The following UTRN variants were observed in gnomAD, a reference collection of about 807,000 sequenced individuals.
The protein encoded by UTRN is utrophin.
A neutral mutation model predicts 463.9 loss-of-function variants in UTRN; 283 were observed. The observed-to-expected ratio is 0.61, with a 90% CI of 0.55 to 0.67. The LOEUF (loss-of-function observed/expected upper bound fraction) is 0.67. Among genes scored for constraint, UTRN ranks in the 30% least tolerant of loss-of-function variants. The probability of loss-of-function intolerance (pLI) is 0.00; values close to 1 mark genes in which losing one functional copy is unlikely to be tolerated. For missense variants in UTRN, 3,922 were observed against 4,084.3 expected (o/e 0.96, Z 1.08); for synonymous variants, 1,442 against 1,431.5 (o/e 1.01, Z -0.17).
At chr6:144,625,617 TGTTCA>T (rs1775863581) in intron 51 of UTRN, among the ~76,000 whole-genome samples, 2 of 152,376 alleles carry the variant, frequency 1.3e-5, no homozygotes, top group South Asian at 4.1e-4. Flanking sequence ...ATTGGTGCCA[TGTTCA>T]GTGAGAAGCT....
At chr6:144,771,534 T>A (rs977661102) in intron 58 of UTRN, among the ~76,000 whole-genome samples, 3 of 152,234 alleles carry the variant, frequency 2.0e-5, no homozygotes, top group African/African-American at 7.2e-5. Flanking sequence ...CAAGCAATTC[T>A]CATGCCTCAC....
chr6:144,635,858 T>C (rs1777117174), intron 51 of UTRN, among the ~76,000 whole-genome samples: 1 of 151,954 alleles, frequency 6.6e-6, no homozygotes, highest in South Asian at 2.1e-4. Context: ...CTGCTGCCTT[T>C]AAAAAAAATT....
At chr6:144,838,179 G>T (rs538047372) in intron 71 of UTRN, among the ~76,000 whole-genome samples, 1 of 152,114 alleles carries the variant, frequency 6.6e-6, no homozygotes, top group African/African-American at 2.4e-5. Flanking sequence ...AGAGCAAAAG[G>T]CTTTTCTGTT....
At chr6:144,489,990 A>T in intron 30 of UTRN, 81 bp from the exon 31 acceptor site, 1 of 1,542,630 alleles carries the variant, frequency 6.5e-7, no homozygotes, top group Non-Finnish European at 8.7e-7. Flanking sequence ...TTACACAACG[A>T]TATAGAACTT....
chr6:144,850,878 G>C (rs1782435415), intron 74 of UTRN, 111 bp from the exon 75 acceptor site: 1 of 1,435,220 alleles, frequency 7.0e-7, no homozygotes, highest in South Asian at 1.1e-5. Context: ...AGTCACAGTA[G>C]AGTTAAGACT....
chr6:144,325,300 C>T (rs900161693), intron 2 of UTRN, among the ~76,000 whole-genome samples: 1 of 152,300 alleles, frequency 6.6e-6, no homozygotes. Flanking sequence ...GGATTAATGT[C>T]ATTATTGCAG....
At chr6:144,296,957 A>T (rs1804771769) in intron 2 of UTRN, among the ~76,000 whole-genome samples, 1 of 152,188 alleles carries the variant, frequency 6.6e-6, no homozygotes, top group Non-Finnish European at 1.5e-5. Flanking sequence ...CTGTTGAGTT[A>T]GCAAAGGGGA....
intron 54 of UTRN, among the ~76,000 whole-genome samples, chr6:144,738,741 C>T (rs949043856): frequency 2.0e-5 from 3 of 152,128 alleles, no homozygotes; most frequent in African/African-American, 4.8e-5. Flanking sequence ...ATTATTTATC[C>T]ACCAGTTTCC....
In UTRN at chr6:144,678,590, C is replaced by T; in HGVS notation, c.7652+12C>T. Reference sequence around the variant, plus strand: ...TCTGCTAGCATCAGGTCAGAATAGTCAATATCAAAATAAAAATAATGGGGT... The same window carrying T: ...TCTGCTAGCATCAGGTCAGAATAGTTAATATCAAAATAAAAATAATGGGGT... On this transcript the variant is annotated intron_variant, in intron 52 of 74. Coordinates refer to ENST00000367545, the MANE Select transcript of UTRN (RefSeq NM_007124.3). 6.3e-7 allele frequency: 1 copy of T among 1,575,284 alleles called. No individual in the cohort carries two copies. Among genetic ancestry groups the T allele is most frequent in the Non-Finnish European group, 8.7e-7 (1 of 1,155,396 alleles).
intron 53 of UTRN, among the ~76,000 whole-genome samples, chr6:144,727,269 T>A (rs1250980630): frequency 6.6e-6 from 1 of 152,256 alleles, no homozygotes; most frequent in East Asian, 1.9e-4. Flanking sequence ...TATTGGTGTT[T>A]TCTGGTTGAT....
At chr6:144,543,110 G>A (rs1440451367) in intron 46 of UTRN, among the ~76,000 whole-genome samples, 1 of 152,174 alleles carries the variant, frequency 6.6e-6, no homozygotes, top group Admixed American at 6.5e-5. Context: ...GGACTCCAGT[G>A]CTACCTGGGC....
chr6:144,681,850 T>C (rs1267140741), intron 52 of UTRN, among the ~76,000 whole-genome samples: 2 of 152,192 alleles, frequency 1.3e-5, no homozygotes, highest in East Asian at 3.8e-4. Context: ...TTTTAATGTT[T>C]GTGGGCATAT....
chr6:144,344,454 A>C lies in UTRN; in HGVS notation c.79+52547A>C, dbSNP rs1431078130. 19 of 908,452 alleles carry C rather than the reference A, an allele frequency of 2.1e-5. No individual in the cohort carries two copies. The East Asian group carries it at 1.0e-3, about 48-fold the overall frequency. The allele number at this position is 908,452 out of a possible 1,614,324, so 56.3% of individuals were successfully genotyped here. On this transcript the variant is annotated intron_variant, in intron 2 of 74. Coordinates refer to ENST00000367545, the MANE Select transcript of UTRN (RefSeq NM_007124.3). The stretch of plus-strand genomic sequence containing the variant: ...CAGACAGCCTGTCTTTCCTGCTGCC[A>C]CGTCTGTTGTGGACCCTCAAGAGTA...
intron 51 of UTRN, among the ~76,000 whole-genome samples, chr6:144,650,138 C>T (rs1778659179): frequency 1.3e-5 from 2 of 152,144 alleles, no homozygotes; most frequent in Non-Finnish European, 2.9e-5. Flanking sequence ...CAGAAGAACT[C>T]CCCTTTATAA....
chr6:144,742,641 G>A (rs1425867514), intron 54 of UTRN, among the ~76,000 whole-genome samples: 2 of 152,138 alleles, frequency 1.3e-5, no homozygotes, highest in African/African-American at 4.8e-5. Flanking sequence ...TAGTAAAAAG[G>A]AATGAAAGAG....
intron 51 of UTRN, among the ~76,000 whole-genome samples, chr6:144,639,018 A>G (rs1033365973): frequency 3.9e-5 from 6 of 152,172 alleles, no homozygotes; most frequent in African/African-American, 1.2e-4. Flanking sequence ...GCAGTGAACT[A>G]TGATCTTGCC....
At chr6:144,441,590 G>T (rs1787168233) in intron 13 of UTRN, among the ~76,000 whole-genome samples, 1 of 152,154 alleles carries the variant, frequency 6.6e-6, no homozygotes, top group African/African-American at 2.4e-5. Context: ...TTTTCCAGGT[G>T]CATAGTGCAA....
chr6:144,652,582 A>G (rs1778923276), intron 51 of UTRN, among the ~76,000 whole-genome samples: 1 of 152,188 alleles, frequency 6.6e-6, no homozygotes, highest in Non-Finnish European at 1.5e-5. Context: ...AAGCGTTATC[A>G]ATGGATTTTT....
intron 19 of UTRN, among the ~76,000 whole-genome samples, chr6:144,454,979 A>G (rs79193492): frequency 0.011 from 1,635 of 152,210 alleles, 24 homozygotes; most frequent in African/African-American, 0.038. Context: ...ACAACTGTTC[A>G]TGTTGTTTTG....
Sources: allele counts gnomAD v4.1 joint callset (sites outside exome capture counted in the v4.1 genomes callset), GRCh38; gene constraint gnomAD v4.1.1; transcripts MANE v1.5; gene names NCBI Gene and HGNC (gene_info 2026-07-23, HGNC 2026-07-21).